The following PTGR1 variants were observed in gnomAD, a reference collection of about 807,000 sequenced individuals.
PTGR1 encodes the protein 15-oxoprostaglandin 13-reductase.
PTGR1 carries 23 observed loss-of-function variants against 37.7 expected under a neutral mutation model. That is an observed-to-expected ratio of 0.61 (90% CI 0.44 to 0.86). PTGR1 has a LOEUF of 0.86. Ranked by LOEUF, PTGR1 falls within the 40% of genes least tolerant of loss-of-function variation. PTGR1 has a pLI of 0.00. For missense variants in PTGR1, 351 were observed against 394.3 expected (o/e 0.89, Z 0.93); for synonymous variants, 134 against 140.0 (o/e 0.96, Z 0.30).
In PTGR1 at chr9:111,570,163, A is replaced by C. The variant is rs377445072; in HGVS notation, c.807T>G (p.Ala269=). 289 of 1,614,112 alleles carry C rather than the reference A, an allele frequency of 1.8e-4. 11 individuals carry two copies. The East Asian group carries it at 2.2e-3, about 12-fold the overall frequency. The change falls in exon 9 of 10, where the codon GCT becomes GCG. Residue 269 remains alanine (A), a synonymous_variant. Coordinates refer to ENST00000407693, the MANE Select transcript of PTGR1 (RefSeq NM_001146108.2). ...IVIYQELRME[A]FVVYRWQGDA... is the part of the protein sequence containing the mutation. ...CTCCTTGCCAGCGGTAGACGACAAAAGCTTCCATGCGAAGCTCCTGATAGA... is the reference window on the plus strand; with the variant it reads ...CTCCTTGCCAGCGGTAGACGACAAACGCTTCCATGCGAAGCTCCTGATAGA...
downstream of PTGR1, among the ~76,000 whole-genome samples, chr9:111,558,741 T>C (rs1350240380): frequency 6.6e-6 from 1 of 152,208 alleles, no homozygotes. Context: ...TATGTACATA[T>C]GATATATACA....
chr9:111,598,379 C>T (rs573459225), intron 1 of PTGR1, among the ~76,000 whole-genome samples: 1 of 152,222 alleles, frequency 6.6e-6, no homozygotes, highest in Non-Finnish European at 1.5e-5. Context: ...CCCCAGCTCC[C>T]CTACCGGTGC....
chr9:111,574,048 G>A (rs375232366), intron 8 of PTGR1: 24 of 152,336 alleles, frequency 1.6e-4, no homozygotes, highest in African/African-American at 5.5e-4. Flanking sequence ...GGGCATGGCA[G>A]TCTGCTCTTC....
intron 6 of PTGR1, among the ~76,000 whole-genome samples, chr9:111,580,232 T>G (rs1829238298): frequency 6.6e-6 from 1 of 152,234 alleles, no homozygotes; most frequent in African/African-American, 2.4e-5. Context: ...AACCTATAGA[T>G]GTCCTCACAC....
chr9:111,589,661 G>C (rs1172170732), intron 4 of PTGR1, among the ~76,000 whole-genome samples: 1 of 151,070 alleles, frequency 6.6e-6, no homozygotes, highest in Non-Finnish European at 1.5e-5. Context: ...TTTTGAGATG[G>C]AGTCTCACTC....
At chr9:111,551,697 C>A (rs1246574050) in intron 9 of PTGR1, among the ~76,000 whole-genome samples, 3 of 152,158 alleles carry the variant, frequency 2.0e-5, no homozygotes, top group Non-Finnish European at 4.4e-5. Flanking sequence ...CCGCCACACA[C>A]AACCCCAATT....
chr9:111,568,621 C>G (rs1432660372), intron 9 of PTGR1, among the ~76,000 whole-genome samples: 1 of 152,044 alleles, frequency 6.6e-6, no homozygotes, highest in Non-Finnish European at 1.5e-5. Context: ...GTTCGTACAC[C>G]CCCTCCCCTT....
At chr9:111,570,035 G>T in intron 9 of PTGR1, 56 bp downstream of exon 9, 2 of 1,607,288 alleles carry the variant, frequency 1.2e-6, no homozygotes, top group Non-Finnish European at 1.7e-6. Context: ...GCCTTGAGAG[G>T]CAAAGGGAGT....
chr9:111,569,015 G>C (rs1373307966), intron 9 of PTGR1, among the ~76,000 whole-genome samples: 1 of 152,246 alleles, frequency 6.6e-6, no homozygotes, highest in East Asian at 1.9e-4. Context: ...GAAACTAGAA[G>C]TATAGAATTG....
chr9:111,563,321 A>C (rs1589290819), intron 9 of PTGR1, 90 bp from the exon 10 acceptor site: 1 of 1,277,248 alleles, frequency 7.8e-7, no homozygotes, highest in Non-Finnish European at 1.1e-6. Flanking sequence ...TATCAGGTAC[A>C]TCATTGGAAA....
At chr9:111,592,304 G>A (rs967596231) in intron 4 of PTGR1, 1 of 152,142 alleles carries the variant, frequency 6.6e-6, no homozygotes, top group African/African-American at 2.4e-5. Context: ...TCTGTTTTAA[G>A]GCTCTGTTAG....
At chr9:111,579,916 A>G (rs1281002208) in intron 6 of PTGR1, among the ~76,000 whole-genome samples, 1 of 152,230 alleles carries the variant, frequency 6.6e-6, no homozygotes, top group African/African-American at 2.4e-5. Flanking sequence ...CTCTAAATGT[A>G]TTATGAAGAC....
chr9:111,586,062 G>A lies in PTGR1; in HGVS notation c.313C>T (p.Leu105=). ...ATTGTGTCTGGCCACTCTGTCAGCA[G>A]CTTTTCCAGATCTTTCCCATCAGAA... ...SISDGKDLEK[L]LTEWPDTIPL... The change falls in exon 5 of 10, where the codon CTG becomes TTG. Residue 105 remains leucine (L), a synonymous_variant. Transcript: ENST00000407693. The A allele has an allele frequency of 6.2e-7, 1 of 1,614,206 alleles. No homozygotes were observed. The highest frequency in any genetic ancestry group is 8.5e-7 in the Non-Finnish European group (1 of 1,180,046).
At chr9:111,565,367 C>T (rs1828511403) in intron 9 of PTGR1, among the ~76,000 whole-genome samples, 1 of 152,154 alleles carries the variant, frequency 6.6e-6, no homozygotes, top group Non-Finnish European at 1.5e-5. Flanking sequence ...TTGTTTAAGC[C>T]ACCCAGTCTG....
intron 6 of PTGR1, among the ~76,000 whole-genome samples, chr9:111,582,237 C>G (rs1160196586): frequency 6.6e-6 from 1 of 151,964 alleles, no homozygotes; most frequent in East Asian, 1.9e-4. Flanking sequence ...GTGAAAAATG[C>G]AAATAGCTGC....
downstream of PTGR1, among the ~76,000 whole-genome samples, chr9:111,558,020 G>A (rs371118521): frequency 1.9e-3 from 283 of 152,134 alleles, 3 homozygotes; most frequent in African/African-American, 6.1e-3. Context: ...GGTGGTGCGC[G>A]CCTGTAGTCC....
chr9:111,577,821 G>A (rs1829125604), intron 7 of PTGR1: 1 of 152,166 alleles, frequency 6.6e-6, no homozygotes, highest in Admixed American at 6.5e-5. Flanking sequence ...CTCCAGCCTA[G>A]GTGACAGAGT....
intron 9 of PTGR1, among the ~76,000 whole-genome samples, chr9:111,555,449 C>A (rs549281072): frequency 1.1e-4 from 16 of 152,232 alleles, no homozygotes; most frequent in African/African-American, 3.1e-4. Flanking sequence ...CTACTGTGCT[C>A]TGTTAATAAA....
At chr9:111,553,472 A>G (rs572541013) in intron 9 of PTGR1, among the ~76,000 whole-genome samples, 17 of 152,310 alleles carry the variant, frequency 1.1e-4, no homozygotes, top group African/African-American at 4.1e-4. Flanking sequence ...TGCTGTTTGC[A>G]TAGGTATACT....
Sources: allele counts gnomAD v4.1 joint callset (sites outside exome capture counted in the v4.1 genomes callset), GRCh38; gene constraint gnomAD v4.1.1; transcripts MANE v1.5; gene names NCBI Gene and HGNC (gene_info 2026-07-23, HGNC 2026-07-21).